The following KCNC1 variants were observed in gnomAD, a reference collection of about 807,000 sequenced individuals.
The protein encoded by KCNC1 is voltage-gated potassium channel KCNC1.
A neutral mutation model predicts 43.4 loss-of-function variants in KCNC1; 8 were observed. The observed-to-expected ratio is 0.18, with a 90% CI of 0.11 to 0.33. The LOEUF (loss-of-function observed/expected upper bound fraction) is 0.33, where lower values mean the gene tolerates loss of function less well. Among genes scored for constraint, KCNC1 ranks in the 10% least tolerant of loss-of-function variants. The pLI is 1.00. For missense variants in KCNC1, 420 were observed against 836.0 expected (o/e 0.50, Z 6.14); for synonymous variants, 361 against 360.5 (o/e 1.00, Z -0.01).
At chr11:17,737,209 G>A (rs1277501749) in intron 1 of KCNC1, among the ~76,000 whole-genome samples, 1 of 152,062 alleles carries the variant, frequency 6.6e-6, no homozygotes, top group Non-Finnish European at 1.5e-5. Flanking sequence ...GTGGAGGGCT[G>A]GGCTGTAAGG....
In KCNC1 at chr11:17,777,793, C is replaced by T; in HGVS notation, c.1505-1663C>T. ...TTATGATGGGATTTTTTTGGATTTG[C>T]TTTACGAATAAATCTGATTGGTCCA... is the stretch of plus-strand genomic sequence containing the variant. On this transcript the variant is annotated intron_variant, in intron 2 of 3. Coordinates refer to ENST00000265969, the MANE Select transcript of KCNC1 (RefSeq NM_001112741.2). This position sits in a 1 kb window ranked among gnomAD's most constrained non-coding sequence, Gnocchi z 4.3. 2 of 986,346 alleles carry T rather than the reference C, an allele frequency of 2.0e-6. No individual in the cohort carries two copies. The highest frequency in any genetic ancestry group is 2.4e-6 in the Non-Finnish European group (2 of 830,034). The allele number at this position is 986,346 out of a possible 1,614,324, so 61.1% of individuals were successfully genotyped here. A position where few individuals can be genotyped will look rare whatever the true frequency, so the allele number is the denominator to read the frequency against.
intron 2 of KCNC1, among the ~76,000 whole-genome samples, chr11:17,778,960 G>C (rs1161257575): frequency 1.3e-5 from 2 of 152,038 alleles, no homozygotes; most frequent in African/African-American, 4.8e-5. Context: ...TATGGAGCTA[G>C]GGAAGCCCGA....
At chr11:17,747,854 C>G (rs1323833545) in intron 1 of KCNC1, among the ~76,000 whole-genome samples, 2 of 152,220 alleles carry the variant, frequency 1.3e-5, no homozygotes, top group African/African-American at 2.4e-5. Context: ...TCTGGCACCC[C>G]TGCCCACAAT....
chr11:17,737,511 C>T (rs1357915220), intron 1 of KCNC1, among the ~76,000 whole-genome samples: 1 of 152,118 alleles, frequency 6.6e-6, no homozygotes, highest in East Asian at 1.9e-4. Flanking sequence ...GATGGCCTCT[C>T]TGGATCAGTT....
chr11:17,763,780 CCACACACACAATACA>C (rs1849110074), intron 1 of KCNC1, among the ~76,000 whole-genome samples: 1 of 143,074 alleles, frequency 7.0e-6, no homozygotes, highest in African/African-American at 2.6e-5. Flanking sequence ...CCACACCACC[CCACACACACAATACA>C]CACACACACA....
At position 17,776,775 on chromosome 11, in the gene KCNC1, TG is replaced by T. The variant is rs1849293262; in HGVS notation, c.1505-2678del. 1.0e-6 allele frequency: 1 copy of T among 984,892 alleles called. No individual in the cohort carries two copies. Among genetic ancestry groups the T allele is most frequent in the African/African-American group, 1.8e-5 (1 of 57,078 alleles). 61.0% of individuals were successfully genotyped at this position (984,892 alleles called of 1,614,324 possible). ...GGGCTCACACCTTTGACCCTATTCA[TG>T]GGTTCCCCAGATTTATACAGTTGGC... On this transcript the variant is annotated intron_variant, in intron 2 of 3. Coordinates refer to ENST00000265969, the MANE Select transcript of KCNC1 (RefSeq NM_001112741.2). This position sits in a 1 kb window ranked among gnomAD's most constrained non-coding sequence, Gnocchi z 4.4.
At position 17,735,677 on chromosome 11, in the gene KCNC1, C is replaced by G. The variant is rs1190854320; in HGVS notation, c.-326C>G. 7.3e-6 allele frequency: 1 copy of G among 137,244 alleles called. No homozygotes were observed. Among genetic ancestry groups the G allele is most frequent in the Non-Finnish European group, 1.6e-5 (1 of 63,074 alleles). The allele number at this position is 137,244 out of a possible 1,614,324, so 8.5% of individuals were successfully genotyped here. A position where few individuals can be genotyped will look rare whatever the true frequency, so the allele number is the denominator to read the frequency against. On this transcript the variant is annotated 5_prime_UTR_variant, in exon 1 of 4. Transcript: ENST00000265969. The surrounding 1 kb of genome is among the most constrained non-coding windows in gnomAD (Gnocchi z 6.7). ...CGCCCCCCTCCCTCTTTCCCCCTCA[C>G]TCCCTCCCTCCCTCCCTTTCTCCCT... is the stretch of plus-strand genomic sequence containing the variant.
In KCNC1 at chr11:17,777,097, C is replaced by T. The variant is rs556042401; in HGVS notation, c.1505-2359C>T. 3.0e-6 allele frequency: 3 copies of T among 985,252 alleles called. No individual in the cohort carries two copies. The highest frequency in any genetic ancestry group is 3.6e-6 in the Non-Finnish European group (3 of 829,892). 61.0% of individuals were successfully genotyped at this position (985,252 alleles called of 1,614,324 possible). A position where few individuals can be genotyped will look rare whatever the true frequency, so the allele number is the denominator to read the frequency against. On this transcript the variant is annotated intron_variant, in intron 2 of 3. Coordinates refer to ENST00000265969, the MANE Select transcript of KCNC1 (RefSeq NM_001112741.2). This position sits in a 1 kb window ranked among gnomAD's most constrained non-coding sequence, Gnocchi z 4.3. The stretch of plus-strand genomic sequence containing the variant: ...TTCCTTGTCCCCTGCCCAAAACCAT[C>T]CCGAACTTTGGGCCCTTTAGTGATT...
At position 17,742,908 on chromosome 11, in the gene KCNC1, A is replaced by G. The variant is rs1383875812; in HGVS notation, c.570+6336A>G. 6.6e-6 allele frequency among the ~76,000 whole-genome samples: 1 copy of G among 152,032 alleles called. No individual in the cohort carries two copies. Among genetic ancestry groups the G allele is most frequent in the Non-Finnish European group, 1.5e-5 (1 of 68,028 alleles). ...GTTCTTCTCTTATCTACTCCCATTA[A>G]TTTCCTTCCTGGGGGAAGTGGAATA... On this transcript the variant is annotated intron_variant, in intron 1 of 3. Transcript: ENST00000265969. The surrounding 1 kb of genome is among the most constrained non-coding windows in gnomAD (Gnocchi z 4.2).
chr11:17,739,846 G>A lies in KCNC1; in HGVS notation c.570+3274G>A, dbSNP rs1340477615. Among the ~76,000 whole-genome samples the A allele has an allele frequency of 1.3e-5, 2 of 152,020 alleles. No individual in the cohort carries two copies. The highest frequency in any genetic ancestry group is 6.6e-5 in the Admixed American group (1 of 15,266). On this transcript the variant is annotated intron_variant, in intron 1 of 3. Transcript: ENST00000265969. The surrounding 1 kb of genome is among the most constrained non-coding windows in gnomAD (Gnocchi z 4.2). ...GTACGTGATGTGTGTGAGAACCCAC[G>A]TGTGTGTCAGTGTGCTGTGTGTATG...
At chr11:17,778,985 G>A (rs1849317153) in intron 2 of KCNC1, among the ~76,000 whole-genome samples, 1 of 152,058 alleles carries the variant, frequency 6.6e-6, no homozygotes, top group African/African-American at 2.4e-5. Flanking sequence ...CTGGCTGGCT[G>A]TGGACGGGAG....
At chr11:17,778,671 G>A (rs1052845360) in intron 2 of KCNC1, among the ~76,000 whole-genome samples, 3 of 152,196 alleles carry the variant, frequency 2.0e-5, no homozygotes, top group African/African-American at 7.2e-5. Context: ...GGTCTGCATG[G>A]GCAAAGAGGA....
Position 17,777,938 on chromosome 11 carries a change from T to C in KCNC1, c.1505-1518T>C, listed in dbSNP as rs1405044815. 1.4e-6 allele frequency: 1 copy of C among 695,126 alleles called. No individual in the cohort carries two copies. The highest frequency in any genetic ancestry group is 1.3e-4 in the East Asian group (1 of 7,496). 43.1% of individuals were successfully genotyped at this position (695,126 alleles called of 1,614,324 possible). The stretch of plus-strand genomic sequence containing the variant: ...AGGATCACTTCTGCGTGTAGTTACA[T>C]GATGTGAACAGGATCACGGGAGAGT... On this transcript the variant is annotated intron_variant, in intron 2 of 3. Transcript: ENST00000265969. The surrounding 1 kb of genome is among the most constrained non-coding windows in gnomAD (Gnocchi z 4.3).
intron 1 of KCNC1, among the ~76,000 whole-genome samples, chr11:17,753,959 C>T (rs1050496931): frequency 2.6e-5 from 4 of 152,226 alleles, no homozygotes; most frequent in African/African-American, 4.8e-5. Flanking sequence ...CTTCAGCTGG[C>T]CTGTCTGCTG....
At chr11:17,769,526 GA>G (rs1371921999) in intron 1 of KCNC1, among the ~76,000 whole-genome samples, 3 of 151,866 alleles carry the variant, frequency 2.0e-5, no homozygotes, top group Middle Eastern at 3.4e-3. Flanking sequence ...AGGAGGAAGG[GA>G]GGATGATGTG....
Position 17,773,546 on chromosome 11 carries a change from A to C in KCNC1, c.1504+948A>C. On this transcript the variant is annotated intron_variant, in intron 2 of 3. Coordinates refer to ENST00000265969, the MANE Select transcript of KCNC1 (RefSeq NM_001112741.2). The surrounding 1 kb of genome is among the most constrained non-coding windows in gnomAD (Gnocchi z 4.1). The stretch of plus-strand genomic sequence containing the variant: ...CCAGTGTACAACCACTTTCCCGTGA[A>C]TTCACTGGGGGCCGGGAGGGGGGAG... 1 of 720,134 alleles carries C rather than the reference A, an allele frequency of 1.4e-6. No individual in the cohort carries two copies. The highest frequency in any genetic ancestry group is 1.7e-6 in the Non-Finnish European group (1 of 594,106). 44.6% of individuals were successfully genotyped at this position (720,134 alleles called of 1,614,324 possible).
chr11:17,781,874 CGGACGTAG>C lies in KCNC1; in HGVS notation c.*141_*148del. ...GAGTGGCCCAGGCATTGTACTAGGACGGACGTAGCTTTTTCTACGGCCAAATGGTAACT... is the reference window on the plus strand; with the variant it reads ...GAGTGGCCCAGGCATTGTACTAGGACCTTTTTCTACGGCCAAATGGTAACT... On this transcript the variant is annotated 3_prime_UTR_variant, in exon 4 of 4. Coordinates refer to ENST00000265969, the MANE Select transcript of KCNC1 (RefSeq NM_001112741.2). The surrounding 1 kb of genome is among the most constrained non-coding windows in gnomAD (Gnocchi z 5.1). 1 of 537,518 alleles carries C rather than the reference CGGACGTAG, an allele frequency of 1.9e-6. No homozygotes were observed. Among genetic ancestry groups the C allele is most frequent in the Non-Finnish European group, 3.3e-6 (1 of 300,500 alleles). 33.3% of individuals were successfully genotyped at this position (537,518 alleles called of 1,614,324 possible).
At chr11:17,756,364 T>C (rs1192956997) in intron 1 of KCNC1, among the ~76,000 whole-genome samples, 1 of 152,134 alleles carries the variant, frequency 6.6e-6, no homozygotes, top group African/African-American at 2.4e-5. Context: ...CCCAAGAAGC[T>C]GTGGCTGTTT....
chr11:17,778,898 TGATCA>T (rs970139312), intron 2 of KCNC1, among the ~76,000 whole-genome samples: 12 of 151,694 alleles, frequency 7.9e-5, no homozygotes, highest in African/African-American at 2.9e-4. Context: ...GTGAACCAGG[TGATCA>T]GATGAGATCC....
Sources: allele counts gnomAD v4.1 joint callset (sites outside exome capture counted in the v4.1 genomes callset), GRCh38; gene constraint gnomAD v4.1.1; non-coding constraint Gnocchi (gnomAD v3.1); transcripts MANE v1.5; gene names NCBI Gene and HGNC (gene_info 2026-07-23, HGNC 2026-07-21).